TFB1M: variants seen among roughly 807,000 people sequenced by gnomAD.
The protein encoded by TFB1M is transcription factor B1, mitochondrial.
Under a neutral mutation model 31.1 loss-of-function variants are expected in TFB1M, and 27 were observed. The observed-to-expected ratio is 0.87, with a 90% CI of 0.64 to 1.20. The LOEUF (loss-of-function observed/expected upper bound fraction) is 1.20, where lower values mean the gene tolerates loss of function less well. Among genes scored for constraint, TFB1M ranks in the 50% most tolerant of loss-of-function variants. The probability of loss-of-function intolerance (pLI) is 0.00; values close to 1 mark genes in which losing one functional copy is unlikely to be tolerated. For synonymous variants in TFB1M, 166 were observed against 151.8 expected (o/e 1.09, Z -0.69); for missense variants, 394 against 418.7 (o/e 0.94, Z 0.51).
the TFB1M span, chr6:155,245,820 G>GT: frequency 5.6e-6 from 5 of 898,508 alleles, no homozygotes; most frequent in East Asian, 1.3e-4. Context: ...CAAGTAGAGA[G>GT]TAAGTACAAT....
chr6:155,273,779 C>A (rs551704137), intron 5 of TFB1M, among the ~76,000 whole-genome samples: 3 of 152,150 alleles, frequency 2.0e-5, no homozygotes, highest in Non-Finnish European at 4.4e-5. Context: ...GACTGTATGA[C>A]ATGGGGTGAT....
chr6:155,231,380 CTT>C, the TFB1M span, among the ~76,000 whole-genome samples: 1 of 152,320 alleles, frequency 6.6e-6, no homozygotes, highest in African/African-American at 2.4e-5. Context: ...TTTCTTCCTC[CTT>C]TTTGTACCAT....
chr6:155,261,221 C>T (rs1443889586), intron 5 of TFB1M, among the ~76,000 whole-genome samples: 1 of 152,202 alleles, frequency 6.6e-6, no homozygotes, highest in Non-Finnish European at 1.5e-5. Flanking sequence ...AAAATGCTAA[C>T]GGAGACCATG....
intron 3 of TFB1M, 78 bp downstream of exon 3, chr6:155,298,399 T>C: frequency 1.3e-6 from 1 of 778,736 alleles, no homozygotes; most frequent in South Asian, 1.5e-5. Context: ...ACATTTGTAA[T>C]AAATGTATCA....
chr6:155,266,138 C>T (rs960005576), intron 5 of TFB1M, among the ~76,000 whole-genome samples: 3 of 152,150 alleles, frequency 2.0e-5, no homozygotes, highest in African/African-American at 7.2e-5. Flanking sequence ...AGGATCAATA[C>T]TTTGTATCCT....
chr6:155,299,092 G>A (rs9384309), intron 2 of TFB1M, among the ~76,000 whole-genome samples: 2 of 151,430 alleles, frequency 1.3e-5, no homozygotes, highest in South Asian at 4.2e-4. Context: ...GTCACCTGTC[G>A]ATGCCAGTCT....
chr6:155,276,735 C>A (rs560170510), intron 5 of TFB1M, among the ~76,000 whole-genome samples: 4 of 152,284 alleles, frequency 2.6e-5, no homozygotes, highest in Admixed American at 6.5e-5. Context: ...ATAAAAAGTA[C>A]CTTGCCCTGG....
At chr6:155,267,134 C>A (rs78813843) in intron 5 of TFB1M, among the ~76,000 whole-genome samples, 1 of 151,718 alleles carries the variant, frequency 6.6e-6, no homozygotes, top group African/African-American at 2.4e-5. Context: ...GGCACCACAC[C>A]CGGCCAATTT....
chr6:155,298,686 C>CA (rs963633693), intron 2 of TFB1M, 101 bp from the exon 3 acceptor site: 1 of 782,034 alleles, frequency 1.3e-6, no homozygotes, highest in Non-Finnish European at 2.2e-6. Flanking sequence ...TTAAAAAAGT[C>CA]AGAGACCAGG....
downstream of TFB1M, among the ~76,000 whole-genome samples, chr6:155,251,220 TGCTG>T (rs1416209254): frequency 6.6e-6 from 1 of 152,232 alleles, no homozygotes; most frequent in Non-Finnish European, 1.5e-5. Flanking sequence ...TTCTCCCTTC[TGCTG>T]CTTGGCTCAG....
rs747549399 is a variant in TFB1M, at chr6:155,258,016, G to T, written c.861C>A (p.Asp287Glu). 1 of 1,614,192 alleles carries T rather than the reference G, an allele frequency of 6.2e-7. No individual in the cohort carries two copies. Among genetic ancestry groups the T allele is most frequent in the African/African-American group, 1.3e-5 (1 of 75,036 alleles). ...TGRLLELADI[D>E]PTLRPRQLSI... Reference sequence around the variant, plus strand: ...AGAGCTGGCGGGGCCGAAGAGTAGGGTCTATGTCTGCCAACTCTAACAGCC... The same window carrying T: ...AGAGCTGGCGGGGCCGAAGAGTAGGTTCTATGTCTGCCAACTCTAACAGCC... Residue 287 changes from aspartate to glutamate, a missense_variant, in exon 7 of 7, where the codon GAC becomes GAA. This residue lies in a region of TFB1M where 115 missense variants were observed against 144.1 expected (regional missense o/e 0.80). Transcript: ENST00000367166.
intron 5 of TFB1M, among the ~76,000 whole-genome samples, chr6:155,269,950 C>T (rs9322508): frequency 0.54 from 81,727 of 152,072 alleles, 22,390 homozygotes; most frequent in East Asian, 0.79. Context: ...CAGTGATGAA[C>T]GAAACAGAGA....
At chr6:155,255,512 C>G (rs1385660120), downstream of TFB1M, 2 of 152,076 alleles carry the variant, frequency 1.3e-5, no homozygotes, top group Middle Eastern at 6.3e-3. Context: ...ACTATTTTCT[C>G]CATTGTCAAA....
chr6:155,245,645 G>C, the TFB1M span: 1 of 1,613,854 alleles, frequency 6.2e-7, no homozygotes, highest in Non-Finnish European at 8.5e-7. Context: ...TCCCTTGGAG[G>C]CTCTTTCCTT....
the TFB1M span, among the ~76,000 whole-genome samples, chr6:155,249,150 T>G: frequency 6.6e-6 from 1 of 152,092 alleles, no homozygotes; most frequent in African/African-American, 2.4e-5. Flanking sequence ...AATGCTGAAT[T>G]GGGAGAAAAA....
intron 3 of TFB1M, among the ~76,000 whole-genome samples, chr6:155,297,339 T>A (rs1361171375): frequency 6.6e-6 from 1 of 152,234 alleles, no homozygotes; most frequent in Non-Finnish European, 1.5e-5. Flanking sequence ...CAGAGAAAAG[T>A]CCTTGAATTT....
chr6:155,257,912 A>AAATT lies in TFB1M; in HGVS notation c.961_964dup (p.Phe322Ter), dbSNP rs765141955. On this transcript the variant is annotated stop_gained and frameshift_variant, in exon 7 of 7. Transcript: ENST00000367166. LOFTEE classifies it low-confidence loss of function (END_TRUNC). ...TTTTCTTCGCTTGAGTTCTTCTCTGAAATTATATGCAAAGAGTTGTGGGTC... is the reference window on the plus strand; with the variant it reads ...TTTTCTTCGCTTGAGTTCTTCTCTGAAATTAATTATATGCAAAGAGTTGTGGGTC... The AAATT allele has an allele frequency of 8.1e-6, 13 of 1,614,120 alleles. No homozygotes were observed. Among genetic ancestry groups the AAATT allele is most frequent in the Admixed American group, 3.3e-5 (2 of 60,012 alleles).
chr6:155,270,773 A>G (rs1439963167), intron 5 of TFB1M, among the ~76,000 whole-genome samples: 3 of 152,232 alleles, frequency 2.0e-5, no homozygotes, highest in African/African-American at 7.2e-5. Flanking sequence ...GACCAGCGAA[A>G]CAAGCCAGGA....
At chr6:155,251,986 A>G, downstream of TFB1M, 8 of 1,605,024 alleles carry the variant, frequency 5.0e-6, no homozygotes, top group Non-Finnish European at 6.8e-6. Context: ...AGAAAACTGC[A>G]AACTGAAAAA....
Sources: gnomAD v4.1 joint callset for allele counts (sites outside exome capture counted in the v4.1 genomes callset) on GRCh38, gnomAD v4.1.1 for gene constraint, gnomAD v4.1.1 regional missense constraint, MANE v1.5 for transcripts, NCBI Gene and HGNC (gene_info 2026-07-23, HGNC 2026-07-21) for gene names.